The following PCNX1 variants were observed in gnomAD, a reference collection of about 807,000 sequenced individuals.
PCNX1 encodes pecanex 1.
Under a neutral mutation model 242.2 loss-of-function variants are expected in PCNX1, and 78 were observed. The ratio of observed to expected loss-of-function variants is 0.32; its 90% CI spans 0.27 to 0.39. The LOEUF is 0.39. PCNX1 is among the 10% of genes least tolerant of loss of function. PCNX1 has a pLI of 1.00. For missense variants in PCNX1, 2,581 were observed against 2,856.5 expected (o/e 0.90, Z 2.20); for synonymous variants, 1,024 against 1,032.9 (o/e 0.99, Z 0.17).
intron 1 of PCNX1, among the ~76,000 whole-genome samples, chr14:70,917,713 C>CT (rs1322998203): frequency 7.9e-5 from 12 of 152,176 alleles, no homozygotes; most frequent in Non-Finnish European, 1.2e-4. Context: ...TGAGCATTGA[C>CT]TTTAACTTAC....
intron 25 of PCNX1, among the ~76,000 whole-genome samples, chr14:71,057,141 GTTC>G (rs1293044651): frequency 7.9e-5 from 12 of 151,672 alleles, no homozygotes; most frequent in South Asian, 2.1e-4. Flanking sequence ...ATAGTCTTTT[GTTC>G]TTCTTCTGAA....
chr14:71,055,625 A>G lies in PCNX1; in HGVS notation c.4636+63A>G, dbSNP rs144807065. ...GGATTTGTTTTATATATATATGTTT[A>G]TATTCACTCCTAACTTGTTGGGAAT... On this transcript the variant is annotated intron_variant, in intron 25 of 35. Transcript: ENST00000304743. The G allele has an allele frequency of 3.0e-3, 2,790 of 935,870 alleles. 16 individuals carry two copies. Among genetic ancestry groups the G allele is most frequent in the Middle Eastern group, 0.013 (54 of 4,056 alleles). The allele number at this position is 935,870 out of a possible 1,614,324, so 58.0% of individuals were successfully genotyped here.
intron 19 of PCNX1, 52 bp downstream of exon 19, chr14:71,036,209 C>G: frequency 8.8e-7 from 1 of 1,140,950 alleles, no homozygotes; most frequent in Non-Finnish European, 1.3e-6. Flanking sequence ...GACAGGGTCT[C>G]ACTCTGTCAC....
chr14:70,968,062 A>G lies in PCNX1; in HGVS notation c.469-136A>G, dbSNP rs182915617. Reference sequence around the variant, plus strand: ...CTCCAATAGAGCTTGTCCAACAAGTATCTTCTAATATTGATAAAAATGATC... The same window carrying G: ...CTCCAATAGAGCTTGTCCAACAAGTGTCTTCTAATATTGATAAAAATGATC... On this transcript the variant is annotated intron_variant, in intron 3 of 35. Transcript: ENST00000304743. 3.9e-4 allele frequency: 268 copies of G among 685,990 alleles called. 1 individual carries two copies. In the African/African-American group the frequency reaches 4.5e-3, roughly 12 times the overall value. 42.5% of individuals were successfully genotyped at this position (685,990 alleles called of 1,614,324 possible).
At chr14:71,056,713 C>CT (rs1274589304) in intron 25 of PCNX1, among the ~76,000 whole-genome samples, 3 of 151,424 alleles carry the variant, frequency 2.0e-5, no homozygotes, top group Non-Finnish European at 4.4e-5. Flanking sequence ...GAGTCTCTCT[C>CT]TGTCACCCAG....
intron 1 of PCNX1, among the ~76,000 whole-genome samples, chr14:70,946,705 A>G (rs2057469628): frequency 6.6e-6 from 1 of 152,232 alleles, no homozygotes; most frequent in South Asian, 2.1e-4. Context: ...ATCTCAGTTC[A>G]AACTAGCCAT....
chr14:70,948,273 T>G (rs1265925352), intron 2 of PCNX1, among the ~76,000 whole-genome samples: 1 of 152,142 alleles, frequency 6.6e-6, no homozygotes, highest in Non-Finnish European at 1.5e-5. Flanking sequence ...GCTGGTTTTG[T>G]GGCTCAGGGG....
At chr14:71,080,639 G>A (rs999798831) in intron 28 of PCNX1, among the ~76,000 whole-genome samples, 14 of 152,270 alleles carry the variant, frequency 9.2e-5, no homozygotes, top group African/African-American at 3.4e-4. Flanking sequence ...TAGCAATTGT[G>A]AATGGAAGTT....
chr14:70,924,106 C>T (rs1017785656), intron 1 of PCNX1, among the ~76,000 whole-genome samples: 1 of 151,758 alleles, frequency 6.6e-6, no homozygotes, highest in African/African-American at 2.4e-5. Flanking sequence ...TTAGTATGTG[C>T]CTGTAGTCCC....
intron 30 of PCNX1, among the ~76,000 whole-genome samples, chr14:71,094,911 A>G (rs143229198): frequency 6.6e-6 from 1 of 152,348 alleles, no homozygotes; most frequent in African/African-American, 2.4e-5. Context: ...AGCCTGAGCG[A>G]CAGACCAAGA....
rs147666310 is a variant in PCNX1, at chr14:70,977,060, C to G, written c.723C>G (p.Asn241Lys). 4 of 1,614,066 alleles carry G rather than the reference C, an allele frequency of 2.5e-6. No homozygotes were observed. The East Asian group carries it at 6.7e-5, about 27-fold the overall frequency. The change falls in exon 6 of 36, where the codon AAC (asparagine) becomes AAG (lysine). Residue 241 changes from asparagine to lysine, a missense_variant. Asn to Lys is a moderately conservative substitution (Grantham distance 94). Transcript: ENST00000304743. Reference protein sequence around the residue: ...DLPRDFSDKVNLPSHNHHHHV... With the variant: ...DLPRDFSDKVKLPSHNHHHHV... The stretch of plus-strand genomic sequence containing the variant: ...CAAGGGACTTCAGTGACAAAGTGAA[C>G]CTGCCAAGTCATAACCACCACCACC...
In PCNX1 at chr14:71,047,117, A is replaced by T; in HGVS notation, c.4160+12A>T. 1 of 1,528,696 alleles carries T rather than the reference A, an allele frequency of 6.5e-7. No individual in the cohort carries two copies. The highest frequency in any genetic ancestry group is 1.2e-5 in the South Asian group (1 of 80,926). 94.7% of individuals were successfully genotyped at this position (1,528,696 alleles called of 1,614,324 possible). The stretch of plus-strand genomic sequence containing the variant: ...AAACTGAATACAGAGTAAGTATAGT[A>T]GTCTTCTAATATTGTCTGACTACTG... On this transcript the variant is annotated intron_variant, in intron 21 of 35. Transcript: ENST00000304743.
chr14:71,114,982 A>G lies in PCNX1; in HGVS notation c.*5047A>G, dbSNP rs1473837610. On this transcript the variant is annotated 3_prime_UTR_variant, in exon 36 of 36. Coordinates refer to ENST00000304743, the MANE Select transcript of PCNX1 (RefSeq NM_014982.3). The stretch of plus-strand genomic sequence containing the variant: ...GGAATCATGTCTGCTTATGCTTTTT[A>G]AAAGCTTATAGTTTAAGTAAAAGTA... 2.0e-5 allele frequency: 3 copies of G among 148,702 alleles called. No homozygotes were observed. Among genetic ancestry groups the G allele is most frequent in the Non-Finnish European group, 4.5e-5 (3 of 66,914 alleles). 9.2% of individuals were successfully genotyped at this position (148,702 alleles called of 1,614,324 possible).
chr14:71,019,965 G>A (rs1333972144), intron 12 of PCNX1, among the ~76,000 whole-genome samples: 3 of 142,474 alleles, frequency 2.1e-5, no homozygotes, highest in Non-Finnish European at 4.6e-5. Context: ...CCCCCTCCTT[G>A]TGTTCCCCTC....
At chr14:71,088,900 T>C (rs1252362967) in intron 29 of PCNX1, among the ~76,000 whole-genome samples, 1 of 152,252 alleles carries the variant, frequency 6.6e-6, no homozygotes, top group African/African-American at 2.4e-5. Flanking sequence ...TAAATTTTTT[T>C]CTGTGATAAC....
chr14:70,926,362 C>G (rs1316317651), intron 1 of PCNX1, among the ~76,000 whole-genome samples: 1 of 152,188 alleles, frequency 6.6e-6, no homozygotes, highest in Non-Finnish European at 1.5e-5. Context: ...CCTTCACTCT[C>G]GCTACAGAGA....
chr14:71,096,970 A>G (rs982695662), intron 30 of PCNX1, among the ~76,000 whole-genome samples: 8 of 152,108 alleles, frequency 5.3e-5, no homozygotes, highest in African/African-American at 1.9e-4. Context: ...CTCACCCCAT[A>G]CAGAGAAGGA....
chr14:71,039,244 CAAAA>C (rs910978495), intron 19 of PCNX1, among the ~76,000 whole-genome samples: 6 of 151,442 alleles, frequency 4.0e-5, no homozygotes, highest in African/African-American at 1.5e-4. Flanking sequence ...ATTAAAAAAA[CAAAA>C]AAAACCAAAT....
chr14:70,943,553 G>T (rs1378169306), intron 1 of PCNX1, among the ~76,000 whole-genome samples: 1 of 152,176 alleles, frequency 6.6e-6, no homozygotes, highest in Admixed American at 6.5e-5. Flanking sequence ...TTCAAGAGGT[G>T]ACAGAGCATA....
Sources: gnomAD v4.1 joint callset for allele counts (sites outside exome capture counted in the v4.1 genomes callset) on GRCh38, gnomAD v4.1.1 for gene constraint, MANE v1.5 for transcripts, NCBI Gene and HGNC (gene_info 2026-07-23, HGNC 2026-07-21) for gene names.